Variants in UGT2B28 observed in about 807,000 individuals in gnomAD.
UGT2B28 encodes UDP glucuronosyltransferase family 2 member B28.
Under a neutral mutation model 43.6 loss-of-function variants are expected in UGT2B28, and 45 were observed. That is an observed-to-expected ratio of 1.03 (90% CI 0.81 to 1.32). The LOEUF (loss-of-function observed/expected upper bound fraction) is 1.32. Ranked by LOEUF, UGT2B28 falls within the 40% of genes most tolerant of loss-of-function variation. The probability of loss-of-function intolerance (pLI) is 0.00; values close to 1 mark genes in which losing one functional copy is unlikely to be tolerated. For synonymous variants in UGT2B28, 204 were observed against 208.1 expected (o/e 0.98, Z 0.17); for missense variants, 649 against 625.5 (o/e 1.04, Z -0.40).
Position 69,280,579 on chromosome 4 carries a change from C to T in UGT2B28, c.79C>T (p.Leu27=). 1 of 1,560,386 alleles carries T rather than the reference C, an allele frequency of 6.4e-7. No individual in the cohort carries two copies. The highest frequency in any genetic ancestry group is 8.7e-7 in the Non-Finnish European group (1 of 1,155,724). ...TAGCTCTGGGAGTTGTGGAAAGGTG[C>T]TGGTGTGGACCGGTGAATACAGCCA... The part of the protein sequence containing the change: ...YFSSGSCGKV[L]VWTGEYSHWM... Residue 27 remains leucine, a synonymous_variant, in exon 1 of 6, where the codon CTG becomes TTG. Transcript: ENST00000335568.
chr4:69,294,472 A>T, intron 5 of UGT2B28, 58 bp from the exon 6 acceptor site: 1 of 1,408,164 alleles, frequency 7.1e-7, no homozygotes, highest in Non-Finnish European at 9.3e-7. Flanking sequence ...CATAGACTTG[A>T]TACATACAGG....
intron 1 of UGT2B28, among the ~76,000 whole-genome samples, chr4:69,281,968 T>A (rs1332801580): frequency 1.4e-5 from 2 of 140,620 alleles, no homozygotes; most frequent in Non-Finnish European, 3.0e-5. Context: ...ATATATTTAC[T>A]TAAATGATAA....
At chr4:69,294,381 G>A in intron 5 of UGT2B28, 149 bp from the exon 6 acceptor site, 1 of 885,312 alleles carries the variant, frequency 1.1e-6, no homozygotes, top group Middle Eastern at 4.3e-4. Flanking sequence ...AACTATCTAT[G>A]ATGACTCAAA....
chr4:69,291,249 G>A lies in UGT2B28; in HGVS notation c.1310+438G>A, dbSNP rs1234749954. Among the ~76,000 whole-genome samples the A allele has an allele frequency of 2.9e-5, 4 of 139,138 alleles. 1 individual carries two copies. Among genetic ancestry groups the A allele is most frequent in the Non-Finnish European group, 6.1e-5 (4 of 65,332 alleles). 91.3% of individuals were successfully genotyped at this position (139,138 alleles called of 152,430 possible). ...TTGAAAATGAGATTTAATTTCGATA[G>A]CTTAAAATCCACCTATTTATGCCAT... On this transcript the variant is annotated intron_variant, in intron 5 of 5. Coordinates refer to ENST00000335568, the MANE Select transcript of UGT2B28 (RefSeq NM_053039.2).
chr4:69,292,010 A>G (rs1723968593), intron 5 of UGT2B28, among the ~76,000 whole-genome samples: 1 of 140,444 alleles, frequency 7.1e-6, no homozygotes, highest in African/African-American at 2.8e-5. Flanking sequence ...TCATTCATAT[A>G]TCTTCTTAGA....
chr4:69,281,182 G>T lies in UGT2B28; in HGVS notation c.682G>T (p.Asp228Tyr). ...TTTTGACTTTTGGTTCCAAATGTGTGATATGAAGAAGTGGGATCAGTTTTA... is the reference window on the plus strand; with the variant it reads ...TTTTGACTTTTGGTTCCAAATGTGTTATATGAAGAAGTGGGATCAGTTTTA... ...LYFDFWFQMCDMKKWDQFYSE... is the reference protein window; with the variant it reads ...LYFDFWFQMCYMKKWDQFYSE... Residue 228 changes from aspartate (D) to tyrosine (Y), a missense_variant, in exon 1 of 6, where the codon GAT becomes TAT. Transcript: ENST00000335568. The T allele has an allele frequency of 6.5e-7, 1 of 1,542,636 alleles. No individual in the cohort carries two copies.
chr4:69,293,368 A>G (rs1181913819), intron 5 of UGT2B28, among the ~76,000 whole-genome samples: 1 of 140,386 alleles, frequency 7.1e-6, no homozygotes, highest in African/African-American at 2.8e-5. Context: ...GTTCAAGATG[A>G]TCTTCCATTT....
rs369400855 is a variant in UGT2B28, at chr4:69,290,817, T to C, written c.1310+6T>C. 450 of 1,554,780 alleles carry C rather than the reference T, an allele frequency of 2.9e-4. 74 individuals carry two copies. In the South Asian group the frequency reaches 3.5e-3, roughly 12 times the overall value. ...ACAGTAATTAATGATCCTTCGTGAG[T>C]AGAACAGTATTTTTCACTAGGTGGT... On this transcript the variant is annotated splice_donor_region_variant and intron_variant, in intron 5 of 5. Coordinates refer to ENST00000335568, the MANE Select transcript of UGT2B28 (RefSeq NM_053039.2).
chr4:69,288,978 T>A (rs916059944), intron 3 of UGT2B28, among the ~76,000 whole-genome samples: 1 of 140,908 alleles, frequency 7.1e-6, no homozygotes, highest in Non-Finnish European at 1.5e-5. Context: ...ATTTTCTTCA[T>A]TCAGTCCATA....
chr4:69,282,213 A>C (rs1723634151), intron 1 of UGT2B28, among the ~76,000 whole-genome samples: 1 of 139,700 alleles, frequency 7.2e-6, no homozygotes, highest in Non-Finnish European at 1.5e-5. Context: ...TTAAAGAGAA[A>C]ATAAATTGAT....
In UGT2B28 at chr4:69,294,479, C is replaced by A. The variant is rs1560568818; in HGVS notation, c.1311-51C>A. Reference sequence around the variant, plus strand: ...AAGCCTTTCATAGACTTGATACATACAGGCCAGTTAACTTACTTTCAGTGT... The same window carrying A: ...AAGCCTTTCATAGACTTGATACATAAAGGCCAGTTAACTTACTTTCAGTGT... On this transcript the variant is annotated intron_variant, in intron 5 of 5. Transcript: ENST00000335568. The A allele has an allele frequency of 2.1e-6, 3 of 1,457,184 alleles. 1 individual carries two copies. The highest frequency in any genetic ancestry group is 2.7e-6 in the Non-Finnish European group (3 of 1,100,116). 90.3% of individuals were successfully genotyped at this position (1,457,184 alleles called of 1,614,324 possible). A position where few individuals can be genotyped will look rare whatever the true frequency, so the allele number is the denominator to read the frequency against.
chr4:69,293,963 C>T (rs568090870), intron 5 of UGT2B28, among the ~76,000 whole-genome samples: 8 of 140,232 alleles, frequency 5.7e-5, no homozygotes, highest in South Asian at 4.8e-4. Context: ...GTATGTCACT[C>T]GCCATGATAA....
At position 69,281,951 on chromosome 4, in the gene UGT2B28, T is replaced by A. The variant is rs6840320; in HGVS notation, c.722-563T>A. On this transcript the variant is annotated intron_variant, in intron 1 of 5. Coordinates refer to ENST00000335568, the MANE Select transcript of UGT2B28 (RefSeq NM_053039.2). Reference sequence around the variant, plus strand: ...ATTTCTCAAAAATTTCTAGCTATAATTTACAAATATATTTACTTAAATGAT... The same window carrying A: ...ATTTCTCAAAAATTTCTAGCTATAAATTACAAATATATTTACTTAAATGAT... 5.7e-3 allele frequency among the ~76,000 whole-genome samples: 798 copies of A among 140,420 alleles called. 175 individuals carry two copies. The highest frequency in any genetic ancestry group is 0.021 in the African/African-American group (764 of 36,114). The allele number at this position is 140,420 out of a possible 152,430, so 92.1% of individuals were successfully genotyped here. A position where few individuals can be genotyped will look rare whatever the true frequency, so the allele number is the denominator to read the frequency against.
rs184883671 is a variant in UGT2B28, at chr4:69,283,581, T to C, written c.870+919T>C. ...ATAATTATGCCTACATTTGCTAAAATAGTGCCAACTTCATATTGTGTTGTG... is the reference window on the plus strand; with the variant it reads ...ATAATTATGCCTACATTTGCTAAAACAGTGCCAACTTCATATTGTGTTGTG... On this transcript the variant is annotated intron_variant, in intron 2 of 5. Coordinates refer to ENST00000335568, the MANE Select transcript of UGT2B28 (RefSeq NM_053039.2). Among the ~76,000 whole-genome samples the C allele has an allele frequency of 1.0e-3, 144 of 140,602 alleles. 24 individuals are homozygous for C. Among genetic ancestry groups the C allele is most frequent in the Non-Finnish European group, 1.4e-4 (9 of 65,644 alleles). 92.2% of individuals were successfully genotyped at this position (140,602 alleles called of 152,430 possible).
chr4:69,286,932 TA>T lies in UGT2B28; in HGVS notation c.1002+52del, dbSNP rs558394147. The T allele has an allele frequency of 1.1e-4, 154 of 1,431,664 alleles. 15 individuals carry two copies. In the South Asian group the frequency reaches 1.6e-3, roughly 15 times the overall value. The allele number at this position is 1,431,664 out of a possible 1,614,324, so 88.7% of individuals were successfully genotyped here. A position where few individuals can be genotyped will look rare whatever the true frequency, so the allele number is the denominator to read the frequency against. ...GTGGAAAACTACTGAAAGAGGCTGT[TA>T]AAGTTTGAGATCTACACAGAAAGAA... On this transcript the variant is annotated intron_variant, in intron 3 of 5. Coordinates refer to ENST00000335568, the MANE Select transcript of UGT2B28 (RefSeq NM_053039.2).
Position 69,286,970 on chromosome 4 carries a change from G to C in UGT2B28, c.1002+87G>C. 1.7e-5 allele frequency: 25 copies of C among 1,504,940 alleles called. 4 individuals are homozygous for C. The highest frequency in any genetic ancestry group is 2.2e-5 in the Non-Finnish European group (25 of 1,130,502). 93.2% of individuals were successfully genotyped at this position (1,504,940 alleles called of 1,614,324 possible). A position where few individuals can be genotyped will look rare whatever the true frequency, so the allele number is the denominator to read the frequency against. On this transcript the variant is annotated intron_variant, in intron 3 of 5. Transcript: ENST00000335568. Reference sequence around the variant, plus strand: ...CTACACAGAAAGAATATTAAGGCTAGACTGAACTCTTTACAGCCAAATACA... The same window carrying C: ...CTACACAGAAAGAATATTAAGGCTACACTGAACTCTTTACAGCCAAATACA...
chr4:69,282,779 T>A, intron 2 of UGT2B28, 117 bp downstream of exon 2: 1 of 1,405,728 alleles, frequency 7.1e-7, no homozygotes, highest in Non-Finnish European at 9.3e-7. Context: ...AAGTAGGTGG[T>A]GTAAAGCAGA....
chr4:69,282,826 A>G (rs576772176), intron 2 of UGT2B28, among the ~76,000 whole-genome samples, 164 bp downstream of exon 2: 3 of 141,096 alleles, frequency 2.1e-5, no homozygotes, highest in Admixed American at 7.1e-5. Flanking sequence ...TAATACCATC[A>G]CATGTATGTG....
rs1723827947 is a variant in UGT2B28, at chr4:69,288,002, C to G, written c.1002+1119C>G. Among the ~76,000 whole-genome samples, 3 of 140,080 alleles carry G rather than the reference C, an allele frequency of 2.1e-5. 1 individual carries two copies. Among genetic ancestry groups the G allele is most frequent in the African/African-American group, 8.4e-5 (3 of 35,858 alleles). The allele number at this position is 140,080 out of a possible 152,430, so 91.9% of individuals were successfully genotyped here. A position where few individuals can be genotyped will look rare whatever the true frequency, so the allele number is the denominator to read the frequency against. On this transcript the variant is annotated intron_variant, in intron 3 of 5. Coordinates refer to ENST00000335568, the MANE Select transcript of UGT2B28 (RefSeq NM_053039.2). ...CAAAATAAGAATGTCTTGGCTATAG[C>G]AGAACATATTAATCACTGTTGTCAA...
Sources: gnomAD v4.1 joint callset for allele counts (sites outside exome capture counted in the v4.1 genomes callset) on GRCh38, gnomAD v4.1.1 for gene constraint, MANE v1.5 for transcripts, NCBI Gene and HGNC (gene_info 2026-07-23, HGNC 2026-07-21) for gene names.